Variants in THSD7B observed in about 807,000 individuals in gnomAD.
The protein encoded by THSD7B is thrombospondin type 1 domain containing 7B, also known as thrombospondin type-1 domain-containing protein 7B.
A neutral mutation model predicts 213.6 loss-of-function variants in THSD7B; 138 were observed. That is an observed-to-expected ratio of 0.65 (90% CI 0.56 to 0.74). THSD7B has a LOEUF of 0.74. Ranked by LOEUF, THSD7B falls within the 30% of genes least tolerant of loss-of-function variation. The pLI is 0.00. For missense variants in THSD7B, 1,931 were observed against 1,991.5 expected (o/e 0.97, Z 0.58); for synonymous variants, 742 against 687.0 (o/e 1.08, Z -1.25).
intron 12 of THSD7B, among the ~76,000 whole-genome samples, chr2:137,396,671 C>T (rs1686199068): frequency 7.2e-6 from 1 of 138,236 alleles, no homozygotes; most frequent in Non-Finnish European, 1.6e-5. Flanking sequence ...CTGTAGATGT[C>T]TATTAGGTCC....
chr2:136,851,884 C>T (rs1683103977), intron 1 of THSD7B, among the ~76,000 whole-genome samples: 1 of 151,588 alleles, frequency 6.6e-6, no homozygotes, highest in African/African-American at 2.4e-5. Flanking sequence ...GACAAAGGAT[C>T]TAACCACAGG....
intron 15 of THSD7B, among the ~76,000 whole-genome samples, chr2:137,518,703 G>A (rs2105163002): frequency 6.6e-6 from 1 of 152,270 alleles, no homozygotes; most frequent in Non-Finnish European, 1.5e-5. Context: ...ATTGCCCAAT[G>A]GGCCCATGAC....
rs577665900 is a variant in THSD7B at position 136,982,351 on chromosome 2, G to A, written c.140-74069G>A. On this transcript the variant is annotated intron_variant, in intron 2 of 27. Coordinates refer to ENST00000409968, the MANE Select transcript of THSD7B (RefSeq NM_001316349.2). ...TTTTTTAAGTTTTCTTAACAATAGC[G>A]ACAGGGTCTCCTTATGTTGCCCAGG... is the stretch of plus-strand genomic sequence containing the variant. 7.3e-5 allele frequency among the ~76,000 whole-genome samples: 11 copies of A among 150,966 alleles called. No homozygotes were observed. In the South Asian group the frequency reaches 2.1e-3, roughly 29 times the overall value.
intron 7 of THSD7B, among the ~76,000 whole-genome samples, chr2:137,223,614 C>T (rs6430697): frequency 0.41 from 61,942 of 151,958 alleles, 12,752 homozygotes; most frequent in Middle Eastern, 0.49. Flanking sequence ...AACATTTTTT[C>T]CCTGCATTTT....
intron 14 of THSD7B, among the ~76,000 whole-genome samples, chr2:137,436,024 T>C (rs1288459557): frequency 6.6e-6 from 1 of 152,194 alleles, no homozygotes. Context: ...TAATTCAGTT[T>C]CATAATTTCC....
intron 10 of THSD7B, among the ~76,000 whole-genome samples, chr2:137,267,496 C>T (rs79058773): frequency 0.011 from 1,615 of 151,702 alleles, 34 homozygotes; most frequent in African/African-American, 0.037. Context: ...TGTAGACTAC[C>T]TCCCCCCCAA....
At chr2:136,781,793 T>G (rs1681748351) in intron 1 of THSD7B, among the ~76,000 whole-genome samples, 1 of 152,176 alleles carries the variant, frequency 6.6e-6, no homozygotes, top group African/African-American at 2.4e-5. Flanking sequence ...GTCTATGCCC[T>G]GCCTCCTGTC....
intron 15 of THSD7B, among the ~76,000 whole-genome samples, chr2:137,516,193 G>T (rs141629143): frequency 1.3e-3 from 186 of 144,338 alleles, no homozygotes; most frequent in African/African-American, 4.6e-3. Flanking sequence ...AACTAATCAC[G>T]GTGTTCCTAA....
intron 5 of THSD7B, 143 bp from the exon 6 acceptor site, chr2:137,160,070 T>G: frequency 2.1e-6 from 2 of 962,746 alleles, no homozygotes; most frequent in Non-Finnish European, 2.9e-6. Flanking sequence ...ACAACACATA[T>G]TAGAAAGTGT....
chr2:137,052,684 C>T (rs1343661043), intron 2 of THSD7B, among the ~76,000 whole-genome samples: 1 of 152,076 alleles, frequency 6.6e-6, no homozygotes, highest in African/African-American at 2.4e-5. Flanking sequence ...TAAGATTTCT[C>T]AAACTGCCAG....
At chr2:137,373,268 A>G (rs190426750) in intron 12 of THSD7B, among the ~76,000 whole-genome samples, 4,705 of 152,208 alleles carry the variant, frequency 0.031, 256 homozygotes, top group African/African-American at 0.11. Flanking sequence ...CTGAGGAATC[A>G]CCACACTGAC....
intron 27 of THSD7B, among the ~76,000 whole-genome samples, chr2:137,669,988 A>G (rs577797729): frequency 2.7e-4 from 41 of 152,266 alleles, no homozygotes; most frequent in African/African-American, 9.9e-4. Context: ...GAGCATTTAT[A>G]TATATATATT....
chr2:137,153,505 AG>A lies in THSD7B; in HGVS notation c.1370-6706del, dbSNP rs1679854915. On this transcript the variant is annotated intron_variant, in intron 5 of 27. Transcript: ENST00000409968. ...AATATGGCTAAAATTAAGCTTTATT[AG>A]GTATAATAGGATGAGAAGTGATTTA... Among the ~76,000 whole-genome samples, 3 of 152,288 alleles carry A rather than the reference AG, an allele frequency of 2.0e-5. No individual in the cohort carries two copies. In the South Asian group the frequency reaches 6.2e-4, roughly 32 times the overall value.
intron 1 of THSD7B, among the ~76,000 whole-genome samples, chr2:136,863,375 G>C (rs1475145943): frequency 1.3e-5 from 2 of 152,180 alleles, no homozygotes; most frequent in East Asian, 3.9e-4. Flanking sequence ...AGAACCTTGA[G>C]ATTCTGTTCA....
intron 15 of THSD7B, among the ~76,000 whole-genome samples, chr2:137,525,606 T>A (rs1680263618): frequency 6.6e-6 from 1 of 152,176 alleles, no homozygotes; most frequent in Admixed American, 6.6e-5. Flanking sequence ...TGTTGATCGA[T>A]GTGAGCCACA....
At chr2:136,822,868 C>T (rs754619175) in intron 1 of THSD7B, among the ~76,000 whole-genome samples, 1 of 152,050 alleles carries the variant, frequency 6.6e-6, no homozygotes, top group Non-Finnish European at 1.5e-5. Context: ...ATCTGACTTC[C>T]CTAGAAAGTA....
chr2:137,224,490 G>T (rs973902333), intron 7 of THSD7B, among the ~76,000 whole-genome samples: 9 of 152,170 alleles, frequency 5.9e-5, no homozygotes. Context: ...TAGGACTACT[G>T]TGAAATTTAA....
intron 12 of THSD7B, among the ~76,000 whole-genome samples, chr2:137,386,408 A>G (rs1450177897): frequency 6.6e-6 from 1 of 152,182 alleles, no homozygotes; most frequent in Non-Finnish European, 1.5e-5. Flanking sequence ...ATGCATGTAA[A>G]TTGAGCTGTG....
chr2:136,803,795 T>G (rs1235203138), intron 1 of THSD7B, among the ~76,000 whole-genome samples: 18 of 152,136 alleles, frequency 1.2e-4, no homozygotes, highest in African/African-American at 2.4e-5. Flanking sequence ...ACAATGATTA[T>G]GTAAGGCCCA....
Sources: allele counts gnomAD v4.1 joint callset (sites outside exome capture counted in the v4.1 genomes callset), GRCh38; gene constraint gnomAD v4.1.1; transcripts MANE v1.5; gene names NCBI Gene and HGNC (gene_info 2026-07-23, HGNC 2026-07-21).